Variants in DCLK1 observed in about 807,000 individuals in gnomAD.
DCLK1 encodes doublecortin like kinase 1.
Under a neutral mutation model 86.2 loss-of-function variants are expected in DCLK1, and 16 were observed. That is an observed-to-expected ratio of 0.19 (90% confidence interval 0.13 to 0.28). DCLK1 has a LOEUF of 0.28. Among genes scored for constraint, DCLK1 ranks in the 10% least tolerant of loss-of-function variants. DCLK1 has a pLI of 1.00. For synonymous variants in DCLK1, 369 were observed against 370.5 expected (o/e 1.00, Z 0.05); for missense variants, 590 against 940.2 (o/e 0.63, Z 4.87).
chr13:36,126,182 A>G, intron 1 of DCLK1, 26 bp from the exon 2 acceptor site: 6 of 1,523,842 alleles, frequency 3.9e-6, no homozygotes, highest in Non-Finnish European at 5.2e-6. Context: ...ACAAAAGCAG[A>G]CACACATATT....
intron 3 of DCLK1, among the ~76,000 whole-genome samples, chr13:36,030,392 GTT>G (rs1284043101): frequency 6.6e-6 from 1 of 151,940 alleles, no homozygotes; most frequent in African/African-American, 2.4e-5. Context: ...TGCCTCCTGG[GTT>G]CAAGCAATTC....
intron 10 of DCLK1, among the ~76,000 whole-genome samples, chr13:35,823,302 T>TACTGCAA (rs1208313413): frequency 6.6e-6 from 1 of 151,860 alleles, no homozygotes; most frequent in Non-Finnish European, 1.5e-5. Flanking sequence ...GAACAGGTAA[T>TACTGCAA]ACTGCAAACT....
intron 11 of DCLK1, 81 bp from the exon 12 acceptor site, chr13:35,811,049 T>C: frequency 6.4e-7 from 1 of 1,572,484 alleles, no homozygotes; most frequent in Non-Finnish European, 8.7e-7. Flanking sequence ...GAACACTGTG[T>C]TTAAATTTAA....
intron 16 of DCLK1, among the ~76,000 whole-genome samples, chr13:35,775,859 A>G (rs893905040): frequency 3.9e-5 from 6 of 152,220 alleles, no homozygotes; most frequent in African/African-American, 1.4e-4. Flanking sequence ...CAATTGCAGT[A>G]TAGCATTAGG....
chr13:35,811,078 T>C, intron 11 of DCLK1, 110 bp from the exon 12 acceptor site: 1 of 1,369,234 alleles, frequency 7.3e-7, no homozygotes, highest in East Asian at 2.3e-5. Flanking sequence ...AGGTAAAAAA[T>C]AAATTAGGCA....
chr13:36,086,659 C>G (rs961197379), intron 3 of DCLK1, among the ~76,000 whole-genome samples: 2 of 151,968 alleles, frequency 1.3e-5, no homozygotes, highest in African/African-American at 4.8e-5. Flanking sequence ...TGTGATGTTC[C>G]CCTCCCTGTG....
chr13:36,004,374 G>C lies in DCLK1; in HGVS notation c.724-56917C>G, dbSNP rs180852342. Among the ~76,000 whole-genome samples, 17 of 152,274 alleles carry C rather than the reference G, an allele frequency of 1.1e-4. No individual in the cohort carries two copies. In the East Asian group the frequency reaches 3.3e-3, roughly 29 times the overall value. On this transcript the variant is annotated intron_variant, in intron 3 of 16. Transcript: ENST00000360631. ...AAAGCAGGGGATTTTATCACTTACT[G>C]CAGAATCTCCATAGCCTAAAACAGG...
intron 5 of DCLK1, among the ~76,000 whole-genome samples, chr13:35,855,040 T>C (rs1870948266): frequency 1.3e-5 from 2 of 152,326 alleles, no homozygotes; most frequent in South Asian, 4.1e-4. Context: ...ATTTGTATAA[T>C]TAATAACTCA....
intron 3 of DCLK1, among the ~76,000 whole-genome samples, chr13:36,106,387 A>G (rs1309047162): frequency 6.6e-6 from 1 of 152,212 alleles, no homozygotes; most frequent in Non-Finnish European, 1.5e-5. Context: ...TTTTCTTTGA[A>G]ATCATCTATT....
At chr13:35,786,816 A>G (rs2086631646) in intron 16 of DCLK1, among the ~76,000 whole-genome samples, 1 of 152,214 alleles carries the variant, frequency 6.6e-6, no homozygotes, top group Non-Finnish European at 1.5e-5. Context: ...TTATGTAGGT[A>G]AATTAAATAA....
At chr13:35,910,143 C>G (rs1012014055) in intron 4 of DCLK1, among the ~76,000 whole-genome samples, 3 of 152,162 alleles carry the variant, frequency 2.0e-5, no homozygotes, top group Non-Finnish European at 4.4e-5. Flanking sequence ...AAACAGGACC[C>G]AGGATCACTA....
chr13:35,815,258 A>T (rs912733017), intron 11 of DCLK1, among the ~76,000 whole-genome samples: 1 of 152,206 alleles, frequency 6.6e-6, no homozygotes, highest in African/African-American at 2.4e-5. Context: ...TGGAAAAATT[A>T]TTTGAAAAAA....
intron 4 of DCLK1, among the ~76,000 whole-genome samples, chr13:35,922,342 T>C (rs1365011086): frequency 6.6e-6 from 1 of 152,200 alleles, no homozygotes; most frequent in Non-Finnish European, 1.5e-5. Flanking sequence ...CCATTACTCA[T>C]GAATTCCTTG....
At chr13:35,952,024 A>C (rs1489234170) in intron 3 of DCLK1, among the ~76,000 whole-genome samples, 1 of 152,156 alleles carries the variant, frequency 6.6e-6, no homozygotes, top group Non-Finnish European at 1.5e-5. Context: ...CTTGGATGTT[A>C]ATCTCTTTGT....
chr13:35,822,330 A>ATT (rs199560939), intron 11 of DCLK1, among the ~76,000 whole-genome samples: 10 of 151,546 alleles, frequency 6.6e-5, no homozygotes, highest in Admixed American at 3.9e-4. Flanking sequence ...ATTAAAAAAA[A>ATT]TTTTTTTTGT....
chr13:35,774,736 G>C, intron 16 of DCLK1, 37 bp from the exon 17 acceptor site: 1 of 1,589,830 alleles, frequency 6.3e-7, no homozygotes, highest in Non-Finnish European at 8.6e-7. Context: ...GGACAATTAG[G>C]GCGAGGGAAA....
At chr13:35,961,141 G>A (rs1467785324) in intron 3 of DCLK1, among the ~76,000 whole-genome samples, 1 of 152,190 alleles carries the variant, frequency 6.6e-6, no homozygotes, top group Admixed American at 6.5e-5. Context: ...TGGGAGACTT[G>A]AGTCACCTAC....
chr13:35,917,282 A>G (rs1392818558), intron 4 of DCLK1, among the ~76,000 whole-genome samples: 1 of 152,272 alleles, frequency 6.6e-6, no homozygotes, highest in African/African-American at 2.4e-5. Flanking sequence ...GGCCTCAGCC[A>G]TGAATCTACA....
At chr13:35,925,517 G>A (rs1458065351) in intron 4 of DCLK1, among the ~76,000 whole-genome samples, 3 of 152,186 alleles carry the variant, frequency 2.0e-5, no homozygotes, top group Non-Finnish European at 4.4e-5. Context: ...TCTCTTAAGA[G>A]CATTTTAAAA....
Sources: gnomAD v4.1 joint callset for allele counts (sites outside exome capture counted in the v4.1 genomes callset) on GRCh38, gnomAD v4.1.1 for gene constraint, MANE v1.5 for transcripts, NCBI Gene and HGNC (gene_info 2026-07-23, HGNC 2026-07-21) for gene names.